The following ROBO2 variants were observed in gnomAD, a reference collection of about 807,000 sequenced individuals.
ROBO2 encodes the protein roundabout guidance receptor 2.
In ROBO2, 53 loss-of-function variants were observed where a neutral mutation model predicts 160.8. The ratio of observed to expected loss-of-function variants is 0.33; its 90% CI spans 0.26 to 0.41. The LOEUF is 0.41. ROBO2 is among the 10% of genes least tolerant of loss of function. The pLI is 1.00. For synonymous variants in ROBO2, 664 were observed against 611.7 expected (o/e 1.09, Z -1.26); for missense variants, 1,577 against 1,722.4 (o/e 0.92, Z 1.49).
At chr3:76,601,962 A>G (rs1330165321) in intron 2 of ROBO2, among the ~76,000 whole-genome samples, 1 of 152,138 alleles carries the variant, frequency 6.6e-6, no homozygotes, top group Non-Finnish European at 1.5e-5. Context: ...GCTGCTTAGA[A>G]ATTTCTTCCA....
At chr3:77,243,158 T>A (rs2089273343) in intron 2 of ROBO2, among the ~76,000 whole-genome samples, 1 of 152,118 alleles carries the variant, frequency 6.6e-6, no homozygotes, top group African/African-American at 2.4e-5. Flanking sequence ...TTCAACTGTG[T>A]TAACTTTAAT....
At chr3:76,876,242 A>G (rs1053328491) in intron 2 of ROBO2, among the ~76,000 whole-genome samples, 2 of 152,204 alleles carry the variant, frequency 1.3e-5, no homozygotes, top group African/African-American at 4.8e-5. Context: ...AACTCATCAA[A>G]CGAAAACATT....
intron 2 of ROBO2, among the ~76,000 whole-genome samples, chr3:76,014,456 A>G (rs1280332345): frequency 6.6e-6 from 1 of 151,272 alleles, no homozygotes; most frequent in Non-Finnish European, 1.5e-5. Flanking sequence ...AATATGTATA[A>G]AGGCAATTGG....
intron 2 of ROBO2, among the ~76,000 whole-genome samples, chr3:76,642,651 C>T (rs1476988130): frequency 6.6e-6 from 1 of 151,988 alleles, no homozygotes; most frequent in Admixed American, 6.6e-5. Flanking sequence ...CGCGCCCAGC[C>T]TACACCTGCT....
At chr3:76,990,075 GA>G (rs1390139657) in intron 2 of ROBO2, among the ~76,000 whole-genome samples, 1 of 105,788 alleles carries the variant, frequency 9.5e-6, no homozygotes, top group African/African-American at 4.3e-5. Context: ...GAAAGCTATT[GA>G]AAAATTATTT....
chr3:76,875,468 T>C (rs566554993), intron 2 of ROBO2, among the ~76,000 whole-genome samples: 1 of 151,962 alleles, frequency 6.6e-6, no homozygotes, highest in Non-Finnish European at 1.5e-5. Context: ...GTTCTGGAGG[T>C]CAGAAGTGCC....
At chr3:76,766,618 C>T (rs1280756663) in intron 2 of ROBO2, among the ~76,000 whole-genome samples, 3 of 151,660 alleles carry the variant, frequency 2.0e-5, no homozygotes, top group Non-Finnish European at 4.4e-5. Context: ...CATTTTCCTA[C>T]TGTGGACAAT....
intron 2 of ROBO2, among the ~76,000 whole-genome samples, chr3:76,938,831 C>A (rs760222968): frequency 6.6e-6 from 1 of 151,892 alleles, no homozygotes; most frequent in Admixed American, 6.6e-5. Flanking sequence ...ATTAGCCGGG[C>A]GTGGTGGCGC....
At chr3:76,683,490 CACAT>C in intron 2 of ROBO2, among the ~76,000 whole-genome samples, 1 of 136,880 alleles carries the variant, frequency 7.3e-6, no homozygotes, top group Non-Finnish European at 1.5e-5. Context: ...ACCTGGAAAA[CACAT>C]GCATGTGTCA....
intron 2 of ROBO2, among the ~76,000 whole-genome samples, chr3:76,875,112 G>T (rs2072562315): frequency 6.6e-6 from 1 of 152,092 alleles, no homozygotes. Context: ...TATAAAAGAG[G>T]CTTCATGCAG....
At chr3:76,879,282 T>C (rs1018059912) in intron 2 of ROBO2, among the ~76,000 whole-genome samples, 1 of 152,154 alleles carries the variant, frequency 6.6e-6, no homozygotes, top group Non-Finnish European at 1.5e-5. Flanking sequence ...TCAACTTTAA[T>C]GTGCGTTTGG....
intron 2 of ROBO2, among the ~76,000 whole-genome samples, chr3:76,714,214 C>G (rs924511929): frequency 4.6e-5 from 7 of 152,048 alleles, no homozygotes; most frequent in African/African-American, 1.7e-4. Context: ...TTTTTAACAA[C>G]TAGATATAAC....
chr3:77,039,644 C>T (rs191794749), upstream of ROBO2, among the ~76,000 whole-genome samples: 7 of 152,206 alleles, frequency 4.6e-5, no homozygotes, highest in African/African-American at 1.7e-4. Context: ...TCTCCGTCCC[C>T]CCGGGGACTC....
intron 2 of ROBO2, among the ~76,000 whole-genome samples, chr3:77,103,407 C>CTTTT (rs11409908): frequency 6.1e-5 from 9 of 146,698 alleles, no homozygotes; most frequent in Non-Finnish European, 9.0e-5. Flanking sequence ...AGAAACCAAT[C>CTTTT]TTTTTTTTTT....
At chr3:75,981,950 C>G (rs1044092939) in intron 2 of ROBO2, among the ~76,000 whole-genome samples, 2 of 151,390 alleles carry the variant, frequency 1.3e-5, no homozygotes, top group Non-Finnish European at 3.0e-5. Flanking sequence ...TGGTAACCAC[C>G]CTTCTACTTT....
intron 2 of ROBO2, among the ~76,000 whole-genome samples, chr3:76,663,959 G>A (rs530392690): frequency 1.3e-5 from 2 of 152,090 alleles, no homozygotes; most frequent in African/African-American, 4.8e-5. Context: ...ACTGACAATT[G>A]TTGATGGGAT....
At chr3:76,767,682 C>CT (rs1439452295) in intron 2 of ROBO2, among the ~76,000 whole-genome samples, 20 of 151,410 alleles carry the variant, frequency 1.3e-4, no homozygotes, top group African/African-American at 4.6e-4. Context: ...ATGCTGTACT[C>CT]TTTTTTATTA....
At chr3:76,644,557 C>T (rs1444992154) in intron 2 of ROBO2, among the ~76,000 whole-genome samples, 3 of 152,246 alleles carry the variant, frequency 2.0e-5, no homozygotes, top group Middle Eastern at 3.4e-3. Flanking sequence ...TCTGCCTTCT[C>T]CTGATCACGA....
intron 2 of ROBO2, among the ~76,000 whole-genome samples, chr3:76,224,029 A>G (rs958744805): frequency 1.3e-5 from 2 of 152,216 alleles, no homozygotes; most frequent in Non-Finnish European, 2.9e-5. Flanking sequence ...ATCAGATTAG[A>G]GAGTCACATC....
Sources: gnomAD v4.1 joint callset for allele counts (sites outside exome capture counted in the v4.1 genomes callset) on GRCh38, gnomAD v4.1.1 for gene constraint, MANE v1.5 for transcripts, NCBI Gene and HGNC (gene_info 2026-07-23, HGNC 2026-07-21) for gene names.